Variants in SCHIP1 observed in about 807,000 individuals in gnomAD.
SCHIP1 encodes schwannomin-interacting protein 1.
SCHIP1 carries 8 observed loss-of-function variants against 29.7 expected under a neutral mutation model. The observed-to-expected ratio is 0.27, with a 90% confidence interval of 0.16 to 0.49. The LOEUF (loss-of-function observed/expected upper bound fraction) is 0.49, where lower values mean the gene tolerates loss of function less well. Among genes scored for constraint, SCHIP1 ranks in the 20% least tolerant of loss-of-function variants. The probability of loss-of-function intolerance (pLI) is 0.99; values close to 1 mark genes in which losing one functional copy is unlikely to be tolerated. For missense variants in SCHIP1, 193 were observed against 294.6 expected, an observed-to-expected ratio of 0.66 and a Z score of 2.52; for synonymous variants, 76 against 94.9, an observed-to-expected ratio of 0.80 and a Z score of 1.16.
At chr3:159,324,750 G>T in the SCHIP1 span, among the ~76,000 whole-genome samples, 3 of 152,070 alleles carry the variant, frequency 2.0e-5, no homozygotes, top group African/African-American at 7.2e-5. Context: ...ATAATAGAGG[G>T]ACTAAAGGTA....
the SCHIP1 span, among the ~76,000 whole-genome samples, chr3:159,475,259 T>C: frequency 6.6e-6 from 1 of 152,186 alleles, no homozygotes. Flanking sequence ...AGGAATGAAG[T>C]ACTGATACAT....
chr3:159,321,292 ACCT>A, the SCHIP1 span, among the ~76,000 whole-genome samples: 1 of 151,762 alleles, frequency 6.6e-6, no homozygotes, highest in South Asian at 2.1e-4. Context: ...TACAAGAAAC[ACCT>A]CCTCTCCCTC....
At chr3:159,321,694 T>A in the SCHIP1 span, among the ~76,000 whole-genome samples, 1 of 152,152 alleles carries the variant, frequency 6.6e-6, no homozygotes, top group Non-Finnish European at 1.5e-5. Flanking sequence ...ATTTATTTTT[T>A]AAAATGATTA....
At chr3:159,749,010 G>A in the SCHIP1 span, among the ~76,000 whole-genome samples, 96 of 152,166 alleles carry the variant, frequency 6.3e-4, no homozygotes, top group African/African-American at 2.2e-3. Context: ...GGTGTCTTTC[G>A]CCTATAATCC....
At chr3:159,886,208 C>T (rs1266935273) in exon 3 of SCHIP1, 1 of 1,614,152 alleles carries the variant, frequency 6.2e-7, no homozygotes. Context: ...TCTGCCCAGA[C>T]TGCAGAGTGG....
chr3:159,865,921 T>C (rs1389761022), intron 1 of SCHIP1, among the ~76,000 whole-genome samples: 1 of 152,212 alleles, frequency 6.6e-6, no homozygotes, highest in Non-Finnish European at 1.5e-5. Flanking sequence ...GTGAAAATCA[T>C]TTAGCACCAC....
the SCHIP1 span, among the ~76,000 whole-genome samples, chr3:159,777,970 A>G: frequency 3.9e-5 from 6 of 151,942 alleles, no homozygotes; most frequent in Non-Finnish European, 7.4e-5. Context: ...ATTCACTTTT[A>G]TTTAGAAAAA....
chr3:159,815,974 C>G, the SCHIP1 span, among the ~76,000 whole-genome samples: 1 of 47,856 alleles, frequency 2.1e-5, no homozygotes, highest in Non-Finnish European at 4.0e-5. Flanking sequence ...TTTGAGACAG[C>G]ATCTCTCTCT....
chr3:159,687,552 G>C, the SCHIP1 span, among the ~76,000 whole-genome samples: 1 of 151,870 alleles, frequency 6.6e-6, no homozygotes, highest in Non-Finnish European at 1.5e-5. Flanking sequence ...CTCTTATTCA[G>C]AACTTTGCTG....
chr3:159,821,878 C>T, the SCHIP1 span, among the ~76,000 whole-genome samples: 1 of 152,142 alleles, frequency 6.6e-6, no homozygotes, highest in Non-Finnish European at 1.5e-5. Context: ...TGTGATACTG[C>T]GACAGTTCAT....
the SCHIP1 span, among the ~76,000 whole-genome samples, chr3:159,501,838 C>G: frequency 1.3e-5 from 2 of 152,100 alleles, no homozygotes; most frequent in Non-Finnish European, 2.9e-5. Context: ...TTATTTGGTT[C>G]TCATACAAAC....
the SCHIP1 span, among the ~76,000 whole-genome samples, chr3:159,415,999 G>A: frequency 6.7e-6 from 1 of 148,156 alleles, no homozygotes; most frequent in African/African-American, 2.4e-5. Context: ...GTGCTGATCA[G>A]AGTATAATGG....
chr3:159,440,387 G>GC, the SCHIP1 span, among the ~76,000 whole-genome samples: 1 of 151,864 alleles, frequency 6.6e-6, no homozygotes, highest in Non-Finnish European at 1.5e-5. Context: ...ATTTTTCAGT[G>GC]CCCCCTCAAA....
At chr3:159,626,692 T>C in the SCHIP1 span, among the ~76,000 whole-genome samples, 814 of 152,254 alleles carry the variant, frequency 5.3e-3, 7 homozygotes, top group African/African-American at 0.019. Context: ...GACCATTCAG[T>C]TGTGAGAAGT....
chr3:159,790,296 AG>A, the SCHIP1 span, among the ~76,000 whole-genome samples: 2 of 152,272 alleles, frequency 1.3e-5, no homozygotes, highest in African/African-American at 2.4e-5. Context: ...TTTTTATGAA[AG>A]AGGAACTTGA....
upstream of SCHIP1, among the ~76,000 whole-genome samples, chr3:159,838,521 AT>A (rs1226552823): frequency 6.6e-6 from 1 of 152,174 alleles, no homozygotes; most frequent in Non-Finnish European, 1.5e-5. Context: ...GTCCCTATTG[AT>A]TTTTTTAATT....
intron 1 of SCHIP1, among the ~76,000 whole-genome samples, chr3:159,862,499 A>G (rs1448693095): frequency 1.3e-5 from 2 of 152,200 alleles, no homozygotes; most frequent in Non-Finnish European, 2.9e-5. Context: ...TTCTCATTTA[A>G]TCTTCCAGCA....
At chr3:159,277,028 A>G in the SCHIP1 span, among the ~76,000 whole-genome samples, 51 of 152,294 alleles carry the variant, frequency 3.3e-4, no homozygotes, top group African/African-American at 1.1e-3. Flanking sequence ...GATTCCATTA[A>G]TAAGACCCAT....
the SCHIP1 span, among the ~76,000 whole-genome samples, chr3:159,641,747 T>C: frequency 6.6e-6 from 1 of 152,156 alleles, no homozygotes; most frequent in African/African-American, 2.4e-5. Flanking sequence ...AAAGGCCCAC[T>C]CTTCACAGTG....
Sources: allele counts gnomAD v4.1 joint callset (sites outside exome capture counted in the v4.1 genomes callset), GRCh38; gene constraint gnomAD v4.1.1; transcripts MANE v1.5; gene names NCBI Gene and HGNC (gene_info 2026-07-23, HGNC 2026-07-21).